Variants in PDE10A observed in about 807,000 individuals in gnomAD.
PDE10A encodes phosphodiesterase 10A, also known as cAMP and cAMP-inhibited cGMP 3',5'-cyclic phosphodiesterase 10A.
Under a neutral mutation model 97.7 loss-of-function variants are expected in PDE10A, and 39 were observed. The observed-to-expected ratio is 0.40, with a 90% confidence interval of 0.31 to 0.52. The LOEUF is 0.52. Among genes scored for constraint, PDE10A ranks in the 20% least tolerant of loss-of-function variants. The pLI is 0.56. For missense variants in PDE10A, 731 were observed against 1,047.8 expected, an observed-to-expected ratio of 0.70 and a Z score of 4.17; for synonymous variants, 371 against 376.8, an observed-to-expected ratio of 0.98 and a Z score of 0.18.
intron 1 of PDE10A, among the ~76,000 whole-genome samples, chr6:165,930,838 C>G (rs915262182): frequency 6.6e-6 from 1 of 152,190 alleles, no homozygotes; most frequent in South Asian, 2.1e-4. Flanking sequence ...CTCACTGACA[C>G]GAGGGGAGCT....
At chr6:165,826,779 G>A (rs1779769701) in intron 1 of PDE10A, among the ~76,000 whole-genome samples, 1 of 106,938 alleles carries the variant, frequency 9.4e-6, no homozygotes, top group Non-Finnish European at 2.2e-5. Context: ...GCGGTTGGGA[G>A]GGGGGACGCA....
At chr6:165,515,774 G>A (rs1443930832) in intron 2 of PDE10A, among the ~76,000 whole-genome samples, 1 of 151,908 alleles carries the variant, frequency 6.6e-6, no homozygotes, top group South Asian at 2.1e-4. Flanking sequence ...CGCCCACCTC[G>A]GCTTCCCAAA....
intron 1 of PDE10A, among the ~76,000 whole-genome samples, chr6:165,954,530 G>A (rs1272060512): frequency 6.6e-6 from 1 of 152,122 alleles, no homozygotes; most frequent in African/African-American, 2.4e-5. Flanking sequence ...CATAAAACAG[G>A]GTTAGGATTC....
intron 1 of PDE10A, among the ~76,000 whole-genome samples, chr6:165,765,769 C>T (rs531022496): frequency 1.3e-5 from 2 of 152,186 alleles, no homozygotes; most frequent in Non-Finnish European, 2.9e-5. Flanking sequence ...CCTCAAGTGC[C>T]GCCAAAGTGG....
At chr6:165,601,976 A>C (rs963606308) in intron 1 of PDE10A, among the ~76,000 whole-genome samples, 1 of 152,322 alleles carries the variant, frequency 6.6e-6, no homozygotes, top group East Asian at 1.9e-4. Context: ...AATATATTTT[A>C]AAACAGAGAC....
intron 1 of PDE10A, among the ~76,000 whole-genome samples, chr6:165,759,983 T>C (rs1248337530): frequency 1.3e-5 from 2 of 152,244 alleles, no homozygotes; most frequent in Non-Finnish European, 2.9e-5. Flanking sequence ...CTCAGTTGCA[T>C]GAATTGGTTA....
chr6:165,612,087 G>A (rs906311322), intron 1 of PDE10A, among the ~76,000 whole-genome samples: 1 of 152,134 alleles, frequency 6.6e-6, no homozygotes, highest in Non-Finnish European at 1.5e-5. Flanking sequence ...CATTATTAAC[G>A]ACAAGTATCT....
At chr6:165,562,839 T>C (rs1784585498) in intron 1 of PDE10A, among the ~76,000 whole-genome samples, 1 of 152,150 alleles carries the variant, frequency 6.6e-6, no homozygotes, top group South Asian at 2.1e-4. Context: ...CATCTGGCAA[T>C]GTCTGCTGAC....
chr6:165,353,725 C>G (rs529562565), intron 18 of PDE10A, among the ~76,000 whole-genome samples: 3 of 151,998 alleles, frequency 2.0e-5, no homozygotes, highest in African/African-American at 7.2e-5. Flanking sequence ...CCAGGAGTTG[C>G]GGAGAGTGAG....
intron 1 of PDE10A, among the ~76,000 whole-genome samples, chr6:165,879,103 TATA>T (rs1355938313): frequency 6.6e-6 from 1 of 152,214 alleles, no homozygotes; most frequent in Non-Finnish European, 1.5e-5. Flanking sequence ...CTGACCTGGA[TATA>T]ATGTCTCCCA....
intron 9 of PDE10A, 151 bp from the exon 10 acceptor site, chr6:165,428,860 A>C (rs1432060616): frequency 4.0e-6 from 2 of 502,176 alleles, no homozygotes; most frequent in South Asian, 5.8e-5. Flanking sequence ...AAAAAAAAAA[A>C]TCAGTACTGT....
intron 1 of PDE10A, among the ~76,000 whole-genome samples, chr6:165,896,782 C>T (rs897362172): frequency 4.6e-5 from 7 of 152,124 alleles, no homozygotes; most frequent in African/African-American, 1.7e-4. Context: ...TCTCGGCCTC[C>T]CAAAGTGCTG....
At chr6:165,517,667 G>A (rs1781891905) in intron 2 of PDE10A, among the ~76,000 whole-genome samples, 1 of 152,242 alleles carries the variant, frequency 6.6e-6, no homozygotes, top group Middle Eastern at 3.4e-3. Context: ...CGACATTTGG[G>A]AAAACACAGA....
At chr6:165,465,800 A>T (rs906075727) in intron 3 of PDE10A, among the ~76,000 whole-genome samples, 3 of 152,200 alleles carry the variant, frequency 2.0e-5, no homozygotes, top group African/African-American at 7.2e-5. Flanking sequence ...CAAGTGCTTG[A>T]CACATGGGGA....
chr6:165,527,312 A>G (rs1018774150), intron 2 of PDE10A, among the ~76,000 whole-genome samples: 6 of 152,206 alleles, frequency 3.9e-5, no homozygotes, highest in African/African-American at 1.4e-4. Context: ...AGTGGAGTCC[A>G]GAACAGGAAA....
At chr6:165,363,835 G>A (rs542119043) in intron 18 of PDE10A, among the ~76,000 whole-genome samples, 1 of 152,188 alleles carries the variant, frequency 6.6e-6, no homozygotes, top group Non-Finnish European at 1.5e-5. Flanking sequence ...ACAAAATATG[G>A]ACTTGAAAAC....
rs1254273785 is a variant in PDE10A at position 165,422,378 on chromosome 6, GGCATACACACAC to G, written c.1654-3613_1654-3602del. On this transcript the variant is annotated intron_variant, in intron 10 of 21. Transcript: ENST00000539869. ...ACACACATACGCATATACACACACA[GGCATACACACAC>G]GCATACACACATACGCATACACACA... 8.5e-4 allele frequency among the ~76,000 whole-genome samples: 89 copies of G among 105,074 alleles called. 3 individuals are homozygous for G. Among genetic ancestry groups the G allele is most frequent in the South Asian group, 3.1e-4 (1 of 3,220 alleles). 68.9% of individuals were successfully genotyped at this position (105,074 alleles called of 152,430 possible).
chr6:165,426,785 G>A (rs149185294), intron 10 of PDE10A, among the ~76,000 whole-genome samples: 134 of 152,074 alleles, frequency 8.8e-4, no homozygotes, highest in African/African-American at 2.7e-3. Context: ...ATAAAAATAC[G>A]AAGAATTCAA....
In PDE10A at chr6:165,512,147, G is replaced by A. The variant is rs768758398; in HGVS notation, c.995-29804C>T. ...TGTGGTTTGGTGGTTTTCTGTAGGGGTTCCATTTGAGTCCTTTCTCTTTCT... is the reference window on the plus strand; with the variant it reads ...TGTGGTTTGGTGGTTTTCTGTAGGGATTCCATTTGAGTCCTTTCTCTTTCT... On this transcript the variant is annotated intron_variant, in intron 2 of 21. Coordinates refer to ENST00000539869, the MANE Select transcript of PDE10A (RefSeq NM_001385079.1). Among the ~76,000 whole-genome samples the A allele has an allele frequency of 7.2e-5, 11 of 151,872 alleles. No individual in the cohort carries two copies. The Middle Eastern group carries it at 0.014, about 188-fold the overall frequency.
Sources: allele counts gnomAD v4.1 joint callset (sites outside exome capture counted in the v4.1 genomes callset), GRCh38; gene constraint gnomAD v4.1.1; transcripts MANE v1.5; gene names NCBI Gene and HGNC (gene_info 2026-07-23, HGNC 2026-07-21).